Variants in ITPR1 observed in about 807,000 individuals in gnomAD.
The protein encoded by ITPR1 is inositol 1,4,5-trisphosphate receptor type 1.
In ITPR1, 96 loss-of-function variants were observed where a neutral mutation model predicts 318.4. That is an observed-to-expected ratio of 0.30 (90% CI 0.26 to 0.36). The LOEUF (loss-of-function observed/expected upper bound fraction) is 0.36. Among genes scored for constraint, ITPR1 ranks in the 10% least tolerant of loss-of-function variants. ITPR1 has a pLI of 1.00. For missense variants in ITPR1, 2,440 were observed against 3,460.2 expected, an observed-to-expected ratio of 0.71 and a Z score of 7.40; for synonymous variants, 1,312 against 1,289.9, an observed-to-expected ratio of 1.02 and a Z score of -0.37.
At chr3:4,828,461 C>A (rs768142242) in intron 60 of ITPR1, among the ~76,000 whole-genome samples, 1 of 152,098 alleles carries the variant, frequency 6.6e-6, no homozygotes, top group Non-Finnish European at 1.5e-5. Context: ...CAAATGGGCT[C>A]GCCCTGCCCT....
At position 4,777,257 on chromosome 3, in the gene ITPR1, T is replaced by C; in HGVS notation, c.6181-7T>C. The C allele has an allele frequency of 6.4e-7, 1 of 1,560,622 alleles. No homozygotes were observed. Among genetic ancestry groups the C allele is most frequent in the Non-Finnish European group, 8.8e-7 (1 of 1,140,356 alleles). On this transcript the variant is annotated splice_region_variant and splice_polypyrimidine_tract_variant and intron_variant, in intron 47 of 61. Coordinates refer to ENST00000649015, the MANE Select transcript of ITPR1 (RefSeq NM_001378452.1). ...TTGTGTGAATGTCTGTGTGTGTCTTTGCTCAGAACTGCATAGCCACCCATG... is the reference window on the plus strand; with the variant it reads ...TTGTGTGAATGTCTGTGTGTGTCTTCGCTCAGAACTGCATAGCCACCCATG...
At position 4,777,704 on chromosome 3, in the gene ITPR1, C is replaced by T. The variant is rs35840266; in HGVS notation, c.6291+330C>T. 0.15 allele frequency among the ~76,000 whole-genome samples: 22,668 copies of T among 151,914 alleles called. 1,883 individuals are homozygous for T. The highest frequency in any genetic ancestry group is 0.19 in the Non-Finnish European group (13,042 of 67,920). ...CACAAAGAGAGAAACAGTGGAAACG[C>T]CATTCCCTCTCTGGTTTCTGATTTT... On this transcript the variant is annotated intron_variant, in intron 48 of 61. Coordinates refer to ENST00000649015, the MANE Select transcript of ITPR1 (RefSeq NM_001378452.1).
chr3:4,550,440 G>C (rs2085453221), intron 4 of ITPR1, among the ~76,000 whole-genome samples: 1 of 152,204 alleles, frequency 6.6e-6, no homozygotes, highest in Non-Finnish European at 1.5e-5. Flanking sequence ...AAATCATGTA[G>C]TGCCTGGTCC....
At chr3:4,841,640 C>T (rs532637886) in intron 61 of ITPR1, among the ~76,000 whole-genome samples, 1 of 152,308 alleles carries the variant, frequency 6.6e-6, no homozygotes, top group African/African-American at 2.4e-5. Flanking sequence ...GCTGTGAACA[C>T]ATTGCTCTGG....
In ITPR1 at chr3:4,733,168, C is replaced by A. The variant is rs758372914; in HGVS notation, c.5301C>A (p.Ser1767Arg). 1.2e-6 allele frequency: 2 copies of A among 1,613,866 alleles called. No homozygotes were observed. The highest frequency in any genetic ancestry group is 1.7e-6 in the Non-Finnish European group (2 of 1,179,876). Residue 1767 changes from serine to arginine, a missense_variant, in exon 43 of 62, where the codon AGC becomes AGA. Physicochemically the swap from Ser to Arg is moderately radical, Grantham distance 110. This residue lies in a region of ITPR1 where 166 missense variants were observed against 143.7 expected (regional missense o/e 1.16). Coordinates refer to ENST00000649015, the MANE Select transcript of ITPR1 (RefSeq NM_001378452.1). ...RPSGRRESLTSFGNGPLSAGG... is the reference protein window; with the variant it reads ...RPSGRRESLTRFGNGPLSAGG... ...CGGGACGAAGAGAGAGCCTTACCAG[C>A]TTTGGCAATGGCCCACTGTCAGCAG... is the stretch of plus-strand genomic sequence containing the variant.
At chr3:4,748,292 A>G (rs1362204561) in intron 44 of ITPR1, among the ~76,000 whole-genome samples, 1 of 152,184 alleles carries the variant, frequency 6.6e-6, no homozygotes, top group Non-Finnish European at 1.5e-5. Flanking sequence ...CCCACTTTGG[A>G]GCTCTGCCTA....
chr3:4,786,776 C>T (rs1459312943), intron 51 of ITPR1, among the ~76,000 whole-genome samples: 1 of 152,160 alleles, frequency 6.6e-6, no homozygotes, highest in Non-Finnish European at 1.5e-5. Context: ...CCCAAACATA[C>T]CCAGCATAAA....
At chr3:4,745,094 A>T (rs1197260753) in intron 44 of ITPR1, among the ~76,000 whole-genome samples, 336 of 85,070 alleles carry the variant, frequency 3.9e-3, no homozygotes, top group Middle Eastern at 0.01. Context: ...TCTCTTTCTC[A>T]CTGTCTTTTT....
chr3:4,773,710 A>C (rs1046560527), intron 46 of ITPR1, among the ~76,000 whole-genome samples: 2 of 152,190 alleles, frequency 1.3e-5, no homozygotes, highest in Non-Finnish European at 2.9e-5. Flanking sequence ...CCCCTCAAAC[A>C]GGTAGTATCT....
chr3:4,654,774 T>C (rs558180095), intron 12 of ITPR1, among the ~76,000 whole-genome samples: 16 of 152,328 alleles, frequency 1.1e-4, no homozygotes, highest in African/African-American at 3.4e-4. Flanking sequence ...GGAATTCAAA[T>C]TGTAATTGTC....
At chr3:4,621,302 G>A (rs1241629417) in intron 4 of ITPR1, among the ~76,000 whole-genome samples, 2 of 152,166 alleles carry the variant, frequency 1.3e-5, no homozygotes, top group African/African-American at 4.8e-5. Context: ...GGGGGAAGAG[G>A]CACATCACTC....
intron 5 of ITPR1, among the ~76,000 whole-genome samples, chr3:4,628,808 C>T: frequency 6.6e-6 from 1 of 152,170 alleles, no homozygotes; most frequent in East Asian, 1.9e-4. Flanking sequence ...ACGGAATGCA[C>T]AGTGATCTTT....
intron 17 of ITPR1, among the ~76,000 whole-genome samples, chr3:4,665,798 C>A (rs1266812831): frequency 1.3e-5 from 2 of 152,114 alleles, no homozygotes; most frequent in African/African-American, 2.4e-5. Flanking sequence ...TATATACACA[C>A]ACAATGTATA....
Position 4,643,212 on chromosome 3 carries a change from A to G in ITPR1, c.526-924A>G, listed in dbSNP as rs530770638. Among the ~76,000 whole-genome samples the G allele has an allele frequency of 2.0e-5, 3 of 152,366 alleles. No individual in the cohort carries two copies. The South Asian group carries it at 6.2e-4, about 32-fold the overall frequency. ...AGGTTTCACCAAAAGTGTTGGATTT[A>G]TTGAATGAACTTATATTCATTTGGA... On this transcript the variant is annotated intron_variant, in intron 7 of 61. Transcript: ENST00000649015.
chr3:4,734,644 G>C (rs1185929897), intron 43 of ITPR1, among the ~76,000 whole-genome samples: 1 of 152,212 alleles, frequency 6.6e-6, no homozygotes. Context: ...CCCATCCCCA[G>C]CTCTTGGCTC....
At chr3:4,623,847 CAGTT>C (rs1202049083) in intron 4 of ITPR1, among the ~76,000 whole-genome samples, 4 of 152,288 alleles carry the variant, frequency 2.6e-5, no homozygotes, top group African/African-American at 7.2e-5. Flanking sequence ...TTTACACAGA[CAGTT>C]GGTTGTAAAT....
chr3:4,706,400 T>G, intron 37 of ITPR1, 49 bp downstream of exon 37: 6 of 1,491,664 alleles, frequency 4.0e-6, no homozygotes, highest in Non-Finnish European at 5.5e-6. Flanking sequence ...CCTCACGTGA[T>G]TGCCACACAC....
intron 44 of ITPR1, among the ~76,000 whole-genome samples, chr3:4,744,935 TCC>T: frequency 1.7e-5 from 2 of 116,470 alleles, no homozygotes; most frequent in African/African-American, 3.5e-5. Context: ...CTTCCTTCCT[TCC>T]TTCCTTCCTT....
chr3:4,744,533 T>C (rs1169176178), intron 44 of ITPR1, among the ~76,000 whole-genome samples: 1 of 152,210 alleles, frequency 6.6e-6, no homozygotes, highest in African/African-American at 2.4e-5. Flanking sequence ...GTTTTTCCTT[T>C]GGGATTGTCC....
Sources: gnomAD v4.1 joint callset for allele counts (sites outside exome capture counted in the v4.1 genomes callset) on GRCh38, gnomAD v4.1.1 for gene constraint, gnomAD v4.1.1 regional missense constraint, MANE v1.5 for transcripts, NCBI Gene and HGNC (gene_info 2026-07-23, HGNC 2026-07-21) for gene names.